TRMT1L: variants seen among roughly 807,000 people sequenced by gnomAD.
The protein encoded by TRMT1L is tRNA methyltransferase 1L.
Under a neutral mutation model 81.6 loss-of-function variants are expected in TRMT1L, and 28 were observed. That is an observed-to-expected ratio of 0.34 (90% CI 0.25 to 0.47). TRMT1L has a LOEUF of 0.47. Ranked by LOEUF, TRMT1L falls within the 20% of genes least tolerant of loss-of-function variation. TRMT1L has a pLI of 1.00. For missense variants in TRMT1L, 739 were observed against 877.1 expected, an observed-to-expected ratio of 0.84 and a Z score of 1.99; for synonymous variants, 301 against 303.2, an observed-to-expected ratio of 0.99 and a Z score of 0.07.
At chr1:185,127,839 C>G (rs138885238) in intron 11 of TRMT1L, among the ~76,000 whole-genome samples, 1 of 150,934 alleles carries the variant, frequency 6.6e-6, no homozygotes, top group East Asian at 2.0e-4. Context: ...TTTGGCCAGG[C>G]GCAGTGGCTC....
At chr1:185,134,813 T>G (rs888721705) in intron 10 of TRMT1L, among the ~76,000 whole-genome samples, 2 of 152,208 alleles carry the variant, frequency 1.3e-5, no homozygotes, top group African/African-American at 2.4e-5. Flanking sequence ...TCTTATGAGC[T>G]CTATTGAGTA....
At chr1:185,128,841 T>C in intron 10 of TRMT1L, 94 bp from the exon 11 acceptor site, 1 of 1,086,770 alleles carries the variant, frequency 9.2e-7, no homozygotes, top group Non-Finnish European at 1.4e-6. Flanking sequence ...AGCTACTATA[T>C]ACTGAGGATC....
chr1:185,126,070 C>T (rs1001043314), intron 11 of TRMT1L, among the ~76,000 whole-genome samples: 3 of 151,934 alleles, frequency 2.0e-5, no homozygotes, highest in Admixed American at 1.3e-4. Context: ...AACTGGATTC[C>T]AATCCTGGCT....
chr1:185,126,975 C>T (rs957281288), intron 11 of TRMT1L, among the ~76,000 whole-genome samples: 1 of 152,124 alleles, frequency 6.6e-6, no homozygotes, highest in African/African-American at 2.4e-5. Context: ...TCAGCCTGGG[C>T]AACAAAGTGG....
rs1652983998 is a variant in TRMT1L, at chr1:185,139,573, T to C, written c.1116A>G (p.Leu372=). 1 of 1,605,238 alleles carries C rather than the reference T, an allele frequency of 6.2e-7. No individual in the cohort carries two copies. Among genetic ancestry groups the C allele is most frequent in the Non-Finnish European group, 8.5e-7 (1 of 1,174,982 alleles). Residue 372 remains leucine (L), a synonymous_variant, in exon 9 of 15, where the codon CTA becomes CTG. Coordinates refer to ENST00000367506, the MANE Select transcript of TRMT1L (RefSeq NM_030934.5). ...AATTCACTGATGTTCCAAAAGGGTC[T>C]AGATGTCTAAAATCAGAAAGAATAT... ...MHLRSFDFIH[L]DPFGTSVNYL...
At chr1:185,121,926 C>T (rs944157461) in intron 13 of TRMT1L, among the ~76,000 whole-genome samples, 3 of 151,790 alleles carry the variant, frequency 2.0e-5, no homozygotes, top group Non-Finnish European at 4.4e-5. Context: ...GTTCTTCAGC[C>T]CAGGCCACAT....
rs752697581 is a variant in TRMT1L at position 185,124,926 on chromosome 1, T to TA, written c.1759+17dup. The TA allele has an allele frequency of 2.4e-5, 39 of 1,601,380 alleles. No homozygotes were observed. Among genetic ancestry groups the TA allele is most frequent in the Non-Finnish European group, 3.2e-5 (38 of 1,173,154 alleles). ...GGTAAGCAGTTTAAAGCTAGTAAGC[T>TA]AGCGTTCAGTTAGTCACCTTGCTTG... On this transcript the variant is annotated intron_variant, in intron 12 of 14. Coordinates refer to ENST00000367506, the MANE Select transcript of TRMT1L (RefSeq NM_030934.5).
At chr1:185,149,435 T>C (rs1319701132) in intron 3 of TRMT1L, among the ~76,000 whole-genome samples, 1 of 152,018 alleles carries the variant, frequency 6.6e-6, no homozygotes, top group Non-Finnish European at 1.5e-5. Flanking sequence ...CTCTAGCAGT[T>C]GCAACTACAG....
intron 11 of TRMT1L, among the ~76,000 whole-genome samples, chr1:185,125,336 T>C (rs1452904902): frequency 1.3e-5 from 2 of 152,176 alleles, no homozygotes; most frequent in South Asian, 2.1e-4. Context: ...TATAGTATTT[T>C]ATTATTTTTT....
chr1:185,139,590 A>G lies in TRMT1L; in HGVS notation c.1110-11T>C, dbSNP rs1359914709. 6.3e-7 allele frequency: 1 copy of G among 1,588,458 alleles called. No homozygotes were observed. Among genetic ancestry groups the G allele is most frequent in the South Asian group, 1.1e-5 (1 of 89,272 alleles). On this transcript the variant is annotated splice_polypyrimidine_tract_variant and intron_variant, in intron 8 of 14. Transcript: ENST00000367506. ...AAAGGGTCTAGATGTCTAAAATCAG[A>G]AAGAATATAGACATTTTAAAGTCAT...
chr1:185,132,683 A>AG, intron 10 of TRMT1L, among the ~76,000 whole-genome samples: 1 of 149,546 alleles, frequency 6.7e-6, no homozygotes, highest in African/African-American at 2.5e-5. Context: ...GCATTCAGAG[A>AG]GAAAATAATA....
At chr1:185,126,203 C>CT (rs767621982) in intron 11 of TRMT1L, among the ~76,000 whole-genome samples, 1 of 152,246 alleles carries the variant, frequency 6.6e-6, no homozygotes, top group South Asian at 2.1e-4. Flanking sequence ...GTAGGTGGGA[C>CT]TATAGATGTC....
chr1:185,121,400 G>A (rs1157470480), intron 13 of TRMT1L, among the ~76,000 whole-genome samples: 1 of 151,894 alleles, frequency 6.6e-6, no homozygotes, highest in African/African-American at 2.4e-5. Context: ...TTGAGCCTAG[G>A]AGTTTGAGTC....
chr1:185,134,107 T>C (rs1193684017), intron 10 of TRMT1L, among the ~76,000 whole-genome samples: 2 of 152,200 alleles, frequency 1.3e-5, no homozygotes, highest in Admixed American at 6.5e-5. Context: ...AAGAAACAGC[T>C]GTGACATTTT....
intron 5 of TRMT1L, 21 bp from the exon 6 acceptor site, chr1:185,144,050 G>T (rs1298433252): frequency 6.4e-7 from 1 of 1,552,636 alleles, no homozygotes; most frequent in South Asian, 1.2e-5. Context: ...AAAAAGAAAA[G>T]ATTTCCAGGG....
chr1:185,124,948 C>A lies in TRMT1L; in HGVS notation c.1755G>T (p.Lys585Asn), dbSNP rs200485806. 12 of 1,609,662 alleles carry A rather than the reference C, an allele frequency of 7.5e-6. No homozygotes were observed. Residue 585 changes from lysine to asparagine, a missense_variant, in exon 12 of 15, where the codon AAG becomes AAT. By Grantham distance (94) the Lys-to-Asn change is moderately conservative. Around this residue, in one of 4 missense-constraint regions of TRMT1L, gnomAD observed 196 missense variants for 232.6 expected, o/e 0.84. Transcript: ENST00000367506. ...FSIHASSNVN[K>N]QEENGVFIKT... ...AGCTAGCGTTCAGTTAGTCACCTTG[C>A]TTGTTGACATTTGAAGATGCATGAA... is the stretch of plus-strand genomic sequence containing the variant.
chr1:185,148,732 C>T lies in TRMT1L; in HGVS notation c.461-1486G>A, dbSNP rs187062014. Among the ~76,000 whole-genome samples, 799 of 152,280 alleles carry T rather than the reference C, an allele frequency of 5.2e-3. 4 individuals carry two copies. Among genetic ancestry groups the T allele is most frequent in the Non-Finnish European group, 9.0e-3 (615 of 68,020 alleles). ...TTAATTGAAATGAGACCTTTATTTT[C>T]CTAAGAAGTCAGTATGGTTTATCAT... On this transcript the variant is annotated intron_variant, in intron 3 of 14. Coordinates refer to ENST00000367506, the MANE Select transcript of TRMT1L (RefSeq NM_030934.5).
intron 14 of TRMT1L, 41 bp from the exon 15 acceptor site, chr1:185,120,312 T>C: frequency 6.7e-7 from 1 of 1,492,526 alleles, no homozygotes; most frequent in Non-Finnish European, 8.9e-7. Context: ...CAGGTTCTTG[T>C]ATTTTTATTT....
chr1:185,126,326 G>A lies in TRMT1L; in HGVS notation c.1593-1216C>T, dbSNP rs147559930. On this transcript the variant is annotated intron_variant, in intron 11 of 14. Coordinates refer to ENST00000367506, the MANE Select transcript of TRMT1L (RefSeq NM_030934.5). ...TTTTTCTTTTTGGAGATGGAGTCTT[G>A]CTCTGTCGCCCAGGCTAGAGTGCAC... Among the ~76,000 whole-genome samples the A allele has an allele frequency of 5.5e-3, 833 of 152,166 alleles. 32 individuals are homozygous for A. The East Asian group carries it at 0.085, about 16-fold the overall frequency.
Sources: gnomAD v4.1 joint callset for allele counts (sites outside exome capture counted in the v4.1 genomes callset) on GRCh38, gnomAD v4.1.1 for gene constraint, gnomAD v4.1.1 regional missense constraint, MANE v1.5 for transcripts, NCBI Gene and HGNC (gene_info 2026-07-23, HGNC 2026-07-21) for gene names.